Variants in MSRB3 observed in about 807,000 individuals in gnomAD.
The protein encoded by MSRB3 is methionine-R-sulfoxide reductase B3.
In MSRB3, 13 loss-of-function variants were observed where a neutral mutation model predicts 21.0. That is an observed-to-expected ratio of 0.62 (90% CI 0.40 to 0.98). The LOEUF (loss-of-function observed/expected upper bound fraction) is 0.98, where lower values mean the gene tolerates loss of function less well. Ranked by LOEUF, MSRB3 falls within the 50% of genes least tolerant of loss-of-function variation. The pLI is 0.00. For synonymous variants in MSRB3, 87 were observed against 88.6 expected, an observed-to-expected ratio of 0.98 and a Z score of 0.10; for missense variants, 199 against 230.3, an observed-to-expected ratio of 0.86 and a Z score of 0.88.
At chr12:65,284,852 A>T (rs895100884) in intron 1 of MSRB3, 2 of 152,168 alleles carry the variant, frequency 1.3e-5, no homozygotes, top group South Asian at 4.1e-4. Context: ...TGGACAAAGG[A>T]TACTGCATCC....
chr12:65,386,400 G>C (rs983252883), intron 5 of MSRB3, among the ~76,000 whole-genome samples: 2 of 151,854 alleles, frequency 1.3e-5, no homozygotes, highest in Non-Finnish European at 3.0e-5. Context: ...TCTTTATGTT[G>C]CTTCCATTAA....
chr12:65,420,476 TA>T (rs143639710), intron 5 of MSRB3, among the ~76,000 whole-genome samples: 1,888 of 152,198 alleles, frequency 0.012, 48 homozygotes, highest in African/African-American at 0.044. Context: ...AATTTTTAAT[TA>T]AAAAAACTTT....
At chr12:65,367,189 A>T (rs750154780) in intron 4 of MSRB3, among the ~76,000 whole-genome samples, 4 of 152,232 alleles carry the variant, frequency 2.6e-5, no homozygotes, top group Non-Finnish European at 4.4e-5. Flanking sequence ...TAGTCTATAC[A>T]TCTTTTTTAC....
rs1407330411 is a variant in MSRB3 at position 65,465,643 on chromosome 12, C to A, written c.*2321C>A. The A allele has an allele frequency of 1.3e-5, 2 of 151,976 alleles. No homozygotes were observed. The highest frequency in any genetic ancestry group is 4.8e-5 in the African/African-American group (2 of 41,364). The allele number at this position is 151,976 out of a possible 1,614,324, so 9.4% of individuals were successfully genotyped here. On this transcript the variant is annotated 3_prime_UTR_variant, in exon 7 of 7. Transcript: ENST00000308259. ...TGAGCTCTGGTCTTATCTGGATGCTCAGATAAGAGGTTTCTATCTGAGCAT... is the reference window on the plus strand; with the variant it reads ...TGAGCTCTGGTCTTATCTGGATGCTAAGATAAGAGGTTTCTATCTGAGCAT...
chr12:65,365,128 A>G (rs1034961583), intron 4 of MSRB3, among the ~76,000 whole-genome samples: 6 of 148,704 alleles, frequency 4.0e-5, no homozygotes, highest in Non-Finnish European at 8.9e-5. Flanking sequence ...TTGATCATTT[A>G]TCTTGTTTTT....
At chr12:65,357,121 A>G (rs978842333) in intron 4 of MSRB3, among the ~76,000 whole-genome samples, 2 of 151,848 alleles carry the variant, frequency 1.3e-5, no homozygotes, top group Non-Finnish European at 2.9e-5. Context: ...TTCCCCATAT[A>G]CTAAATGAAG....
At chr12:65,403,283 T>G (rs898495017) in intron 5 of MSRB3, among the ~76,000 whole-genome samples, 3 of 152,214 alleles carry the variant, frequency 2.0e-5, no homozygotes, top group East Asian at 3.9e-4. Context: ...CTGCTGCCTT[T>G]CTTTCAGAGA....
chr12:65,369,065 AT>A, intron 5 of MSRB3, 39 bp downstream of exon 5: 1 of 1,373,886 alleles, frequency 7.3e-7, no homozygotes. Context: ...AATATATTTT[AT>A]TTACATTATT....
intron 2 of MSRB3, among the ~76,000 whole-genome samples, chr12:65,316,754 A>G (rs901521458): frequency 6.6e-6 from 1 of 152,174 alleles, no homozygotes; most frequent in Admixed American, 6.5e-5. Context: ...TGACGATTCT[A>G]TATGAACACT....
At chr12:65,385,027 A>G (rs915152094) in intron 5 of MSRB3, among the ~76,000 whole-genome samples, 1 of 152,102 alleles carries the variant, frequency 6.6e-6, no homozygotes, top group Admixed American at 6.5e-5. Context: ...TCTCTGTCAT[A>G]TTTACCTAGA....
intron 4 of MSRB3, among the ~76,000 whole-genome samples, chr12:65,344,761 C>T (rs1358600469): frequency 6.6e-6 from 1 of 151,972 alleles, no homozygotes. Flanking sequence ...AAAACCATGT[C>T]ACTTTGAAAA....
intron 6 of MSRB3, 114 bp from the exon 7 acceptor site, chr12:65,463,041 T>C: frequency 1.5e-6 from 2 of 1,290,586 alleles, no homozygotes. Flanking sequence ...TCATCCACGA[T>C]GGTTTCCTTC....
Position 65,463,271 on chromosome 12 carries a change from G to A in MSRB3, c.507G>A (p.Glu169=). The A allele has an allele frequency of 6.2e-7, 1 of 1,614,208 alleles. No homozygotes were observed. ...FTPADSSGTA[E]GGSGVASPAQ... ...CTGCGGATAGCAGTGGCACCGCCGA[G>A]GGAGGCAGTGGGGTCGCCAGCCCGG... Residue 169 remains glutamate, a synonymous_variant, in exon 7 of 7, where the codon GAG becomes GAA. Coordinates refer to ENST00000308259, the MANE Select transcript of MSRB3 (RefSeq NM_001031679.3).
chr12:65,359,567 A>G (rs1877588163), intron 4 of MSRB3, among the ~76,000 whole-genome samples: 1 of 152,176 alleles, frequency 6.6e-6, no homozygotes, highest in Non-Finnish European at 1.5e-5. Context: ...AAACAAATGC[A>G]TAAGCAAATA....
At chr12:65,426,924 G>T (rs532548793) in intron 5 of MSRB3, among the ~76,000 whole-genome samples, 1 of 151,876 alleles carries the variant, frequency 6.6e-6, no homozygotes, top group South Asian at 2.1e-4. Context: ...TCTTGTTTTG[G>T]TCTTACAGTG....
At chr12:65,413,533 T>C (rs559806006) in intron 5 of MSRB3, among the ~76,000 whole-genome samples, 2 of 151,846 alleles carry the variant, frequency 1.3e-5, no homozygotes, top group South Asian at 4.2e-4. Flanking sequence ...CTTCTTTTGC[T>C]CCATGAACTC....
At chr12:65,281,071 A>T (rs908302426) in intron 1 of MSRB3, among the ~76,000 whole-genome samples, 1 of 151,564 alleles carries the variant, frequency 6.6e-6, no homozygotes, top group African/African-American at 2.4e-5. Flanking sequence ...TACAAAAATT[A>T]AAAAAAAATT....
chr12:65,338,156 A>G (rs939175364), intron 4 of MSRB3, among the ~76,000 whole-genome samples: 1 of 152,230 alleles, frequency 6.6e-6, no homozygotes, highest in Non-Finnish European at 1.5e-5. Context: ...CTGGATTCCC[A>G]TAATTATTAA....
At chr12:65,374,970 C>T (rs1037067134) in intron 5 of MSRB3, among the ~76,000 whole-genome samples, 1 of 151,664 alleles carries the variant, frequency 6.6e-6, no homozygotes, top group African/African-American at 2.4e-5. Flanking sequence ...CTGCTTCAGC[C>T]TCTCGAGTAG....
Sources: gnomAD v4.1 joint callset for allele counts (sites outside exome capture counted in the v4.1 genomes callset) on GRCh38, gnomAD v4.1.1 for gene constraint, MANE v1.5 for transcripts, NCBI Gene and HGNC (gene_info 2026-07-23, HGNC 2026-07-21) for gene names.